Variants in SLC9B1 observed in about 807,000 individuals in gnomAD.
SLC9B1 encodes solute carrier family 9 member B1.
A neutral mutation model predicts 51.7 loss-of-function variants in SLC9B1; 32 were observed. The observed-to-expected ratio is 0.62, with a 90% CI of 0.47 to 0.83. SLC9B1 has a LOEUF of 0.83. Among genes scored for constraint, SLC9B1 ranks in the 40% least tolerant of loss-of-function variants. SLC9B1 has a pLI of 0.00. For synonymous variants in SLC9B1, 145 were observed against 212.7 expected, an observed-to-expected ratio of 0.68 and a Z score of 2.77; for missense variants, 406 against 613.2, an observed-to-expected ratio of 0.66 and a Z score of 3.57.
chr4:102,981,836 G>C (rs1248318473), intron 3 of SLC9B1, among the ~76,000 whole-genome samples: 1 of 152,070 alleles, frequency 6.6e-6, no homozygotes, highest in Non-Finnish European at 1.5e-5. Context: ...GTATTCCACA[G>C]AGCATAGATT....
At chr4:102,980,050 C>T (rs1392947658) in intron 3 of SLC9B1, among the ~76,000 whole-genome samples, 1 of 152,114 alleles carries the variant, frequency 6.6e-6, no homozygotes, top group Non-Finnish European at 1.5e-5. Context: ...AATGATTTAC[C>T]ATCTTATGCC....
At position 102,942,382 on chromosome 4, in the gene SLC9B1, C is replaced by G. The variant is rs1343929504; in HGVS notation, c.653+2811G>C. 2.6e-5 allele frequency among the ~76,000 whole-genome samples: 4 copies of G among 152,012 alleles called. 1 individual carries two copies. Among genetic ancestry groups the G allele is most frequent in the African/African-American group, 9.7e-5 (4 of 41,382 alleles). On this transcript the variant is annotated intron_variant, in intron 6 of 11. Transcript: ENST00000296422. ...CCCGCATAACCAAAGCAAGACTAAGCAAAAAGAACAAATGTGGATGCATCA... is the reference window on the plus strand; with the variant it reads ...CCCGCATAACCAAAGCAAGACTAAGGAAAAAGAACAAATGTGGATGCATCA...
intron 1 of SLC9B1, among the ~76,000 whole-genome samples, chr4:103,004,908 T>C (rs992312059): frequency 1.3e-5 from 2 of 152,144 alleles, no homozygotes; most frequent in African/African-American, 4.8e-5. Context: ...TACCACCAGA[T>C]GTGCCTTACA....
intron 3 of SLC9B1, among the ~76,000 whole-genome samples, chr4:102,972,882 A>C (rs983046060): frequency 1.3e-5 from 2 of 152,184 alleles, no homozygotes; most frequent in African/African-American, 4.8e-5. Context: ...CTTCAAGATG[A>C]AACGTGATTT....
At chr4:102,906,453 A>G in intron 10 of SLC9B1, 83 bp downstream of exon 10, 1 of 724,794 alleles carries the variant, frequency 1.4e-6, no homozygotes, top group South Asian at 1.9e-5. Context: ...AGCCAAAGAT[A>G]TATTGTAAAT....
At chr4:102,921,010 T>G (rs535726571) in intron 7 of SLC9B1, among the ~76,000 whole-genome samples, 2 of 152,246 alleles carry the variant, frequency 1.3e-5, no homozygotes, top group East Asian at 3.9e-4. Context: ...CAGGAGAACT[T>G]CCCCAACCTA....
At chr4:102,942,796 G>A (rs1004166635) in intron 6 of SLC9B1, among the ~76,000 whole-genome samples, 2 of 152,214 alleles carry the variant, frequency 1.3e-5, no homozygotes, top group African/African-American at 4.8e-5. Flanking sequence ...GAACCCAAGA[G>A]CAAAGGCAAC....
At chr4:102,993,605 G>T (rs1286038303) in intron 1 of SLC9B1, among the ~76,000 whole-genome samples, 1 of 152,198 alleles carries the variant, frequency 6.6e-6, no homozygotes, top group African/African-American at 2.4e-5. Flanking sequence ...TCTTCTCACA[G>T]CTCCTCCAGG....
At chr4:102,911,061 A>T (rs578184208) in intron 8 of SLC9B1, among the ~76,000 whole-genome samples, 36 of 152,220 alleles carry the variant, frequency 2.4e-4, no homozygotes, top group Non-Finnish European at 4.9e-4. Flanking sequence ...AGTGAATTTC[A>T]GTCAGAAAAT....
intron 11 of SLC9B1, chr4:102,889,458 T>C (rs1734118543): frequency 6.6e-6 from 1 of 152,260 alleles, no homozygotes; most frequent in East Asian, 1.9e-4. Flanking sequence ...TTTTCACACA[T>C]GTTCTAGTGG....
At chr4:102,963,331 T>G (rs939804244) in intron 3 of SLC9B1, 2 of 275,778 alleles carry the variant, frequency 7.3e-6, no homozygotes, top group Non-Finnish European at 1.4e-5. Context: ...AATGTCTTAG[T>G]GTCTGCCTTG....
Position 102,949,266 on chromosome 4 carries a change from G to A in SLC9B1, c.373C>T (p.Pro125Ser). ...IRIPLVPPLP[P>S]LLGMLLAGFT... ...CTAATTATATACTTACCAAGAAGAG[G>A]TGGAAGTGGAGGCACTAAAGGTATT... Residue 125 changes from proline (P) to serine (S), a missense_variant, in exon 4 of 12, where the codon CCT (proline) becomes TCT (serine). Pro to Ser is a moderately conservative substitution (Grantham distance 74, BLOSUM62 -1). Around this residue, in one of 6 missense-constraint regions of SLC9B1, gnomAD observed 250 missense variants for 394.1 expected, o/e 0.63. Transcript: ENST00000296422. 1 of 1,585,956 alleles carries A rather than the reference G, an allele frequency of 6.3e-7. No homozygotes were observed. The highest frequency in any genetic ancestry group is 1.2e-5 in the South Asian group (1 of 85,850).
chr4:102,978,368 G>A (rs904640668), intron 3 of SLC9B1, among the ~76,000 whole-genome samples: 2 of 152,114 alleles, frequency 1.3e-5, no homozygotes, highest in African/African-American at 2.4e-5. Context: ...TACCATCAGA[G>A]TGAACAGGCA....
At chr4:103,003,604 T>C (rs1049024788) in intron 1 of SLC9B1, among the ~76,000 whole-genome samples, 3 of 152,182 alleles carry the variant, frequency 2.0e-5, no homozygotes, top group African/African-American at 7.2e-5. Flanking sequence ...ATGCACCCTT[T>C]TGCACTGCTG....
intron 6 of SLC9B1, among the ~76,000 whole-genome samples, chr4:102,933,633 A>G (rs890364695): frequency 1.3e-5 from 2 of 152,164 alleles, no homozygotes; most frequent in African/African-American, 4.8e-5. Flanking sequence ...ATCTGCTTCC[A>G]AGTTTACTCA....
Position 102,977,389 on chromosome 4 carries a change from G to A in SLC9B1, c.211+12411C>T, listed in dbSNP as rs115061275. Among the ~76,000 whole-genome samples the A allele has an allele frequency of 1.4e-3, 216 of 151,886 alleles. 1 individual carries two copies. The highest frequency in any genetic ancestry group is 4.9e-3 in the African/African-American group (203 of 41,436). Reference sequence around the variant, plus strand: ...AGATGAAGATACTTTTGACTACACTGGTGTAAGTGACCTTAAGAGAATTAC... The same window carrying A: ...AGATGAAGATACTTTTGACTACACTAGTGTAAGTGACCTTAAGAGAATTAC... On this transcript the variant is annotated intron_variant, in intron 3 of 11. Coordinates refer to ENST00000296422, the MANE Select transcript of SLC9B1 (RefSeq NM_139173.4).
intron 6 of SLC9B1, among the ~76,000 whole-genome samples, chr4:102,937,430 A>C (rs1057200187): frequency 6.7e-6 from 1 of 148,298 alleles, no homozygotes; most frequent in South Asian, 2.1e-4. Context: ...AAAAAAAAAA[A>C]AAAAAAAAAA....
intron 1 of SLC9B1, among the ~76,000 whole-genome samples, chr4:103,011,937 C>G (rs1435244470): frequency 1.3e-5 from 2 of 152,218 alleles, no homozygotes; most frequent in Non-Finnish European, 2.9e-5. Context: ...AGGGCCACTC[C>G]TCCACTGACT....
chr4:102,963,199 G>A (rs1738233765), intron 3 of SLC9B1: 6 of 349,104 alleles, frequency 1.7e-5, no homozygotes, highest in South Asian at 1.3e-4. Context: ...GCACCACAAT[G>A]CCTTATGGTT....
Sources: allele counts gnomAD v4.1 joint callset (sites outside exome capture counted in the v4.1 genomes callset), GRCh38; gene constraint gnomAD v4.1.1; regional missense constraint gnomAD v4.1.1; transcripts MANE v1.5; gene names NCBI Gene and HGNC (gene_info 2026-07-23, HGNC 2026-07-21).